MITF: variants seen among roughly 807,000 people sequenced by gnomAD.
MITF encodes microphthalmia-associated transcription factor.
A neutral mutation model predicts 60.5 loss-of-function variants in MITF; 17 were observed. That is an observed-to-expected ratio of 0.28 (90% CI 0.19 to 0.42). The LOEUF is 0.42. Among genes scored for constraint, MITF ranks in the 10% least tolerant of loss-of-function variants. The probability of loss-of-function intolerance (pLI) is 1.00; values close to 1 mark genes in which losing one functional copy is unlikely to be tolerated. For synonymous variants in MITF, 260 were observed against 248.5 expected, an observed-to-expected ratio of 1.05 and a Z score of -0.43; for missense variants, 622 against 683.5, an observed-to-expected ratio of 0.91 and a Z score of 1.00.
chr3:69,916,905 T>C (rs966341056), intron 2 of MITF, among the ~76,000 whole-genome samples: 6 of 152,230 alleles, frequency 3.9e-5, no homozygotes, highest in Non-Finnish European at 8.8e-5. Context: ...AGTTAGCCCC[T>C]TGGTAAATCT....
At chr3:69,768,926 G>A (rs1452626110) in intron 1 of MITF, among the ~76,000 whole-genome samples, 1 of 152,148 alleles carries the variant, frequency 6.6e-6, no homozygotes, top group Non-Finnish European at 1.5e-5. Flanking sequence ...GGTGGGGAGG[G>A]CATGTGTCCC....
In MITF at chr3:69,918,611, G is replaced by C. The variant is rs928278231; in HGVS notation, c.355-19211G>C. 5.7e-4 allele frequency among the ~76,000 whole-genome samples: 87 copies of C among 152,130 alleles called. 1 individual carries two copies. The highest frequency in any genetic ancestry group is 2.6e-4 in the Admixed American group (4 of 15,266). On this transcript the variant is annotated intron_variant, in intron 2 of 9. Transcript: ENST00000352241. ...CAGCACATCAGGGTTCAGATCTCTG[G>C]TTATATGAAAGCAGGCAAGTCACAT...
intron 1 of MITF, among the ~76,000 whole-genome samples, chr3:69,800,885 A>G (rs139915577): frequency 0.012 from 1,771 of 152,336 alleles, 18 homozygotes; most frequent in Non-Finnish European, 0.021. Flanking sequence ...TGACTGAACC[A>G]GAAAAAGGCA....
intron 1 of MITF, among the ~76,000 whole-genome samples, chr3:69,869,633 T>G (rs1416226441): frequency 2.0e-5 from 3 of 152,126 alleles, no homozygotes; most frequent in Non-Finnish European, 2.9e-5. Flanking sequence ...TGAAAAGCCC[T>G]TCTGATACTG....
At chr3:69,940,016 G>T (rs1031708640) in intron 4 of MITF, among the ~76,000 whole-genome samples, 38 of 152,100 alleles carry the variant, frequency 2.5e-4, no homozygotes, top group African/African-American at 8.9e-4. Flanking sequence ...ATTCAAAACT[G>T]GCCAATTATT....
intron 2 of MITF, among the ~76,000 whole-genome samples, chr3:69,928,150 G>C (rs1172127167): frequency 6.6e-6 from 1 of 152,196 alleles, no homozygotes; most frequent in African/African-American, 2.4e-5. Context: ...TTCTGTTAGA[G>C]ATAATGCTCT....
At chr3:69,789,895 T>C (rs1193370317) in intron 1 of MITF, among the ~76,000 whole-genome samples, 1 of 151,862 alleles carries the variant, frequency 6.6e-6, no homozygotes, top group Non-Finnish European at 1.5e-5. Context: ...GATCCAGTAA[T>C]CCCAGTTTTG....
At chr3:69,955,996 A>G (rs1438485112) in intron 7 of MITF, among the ~76,000 whole-genome samples, 3 of 152,196 alleles carry the variant, frequency 2.0e-5, no homozygotes, top group African/African-American at 4.8e-5. Context: ...CCTCCGCTTA[A>G]GTAAATATCT....
chr3:69,799,968 C>G (rs759609824), intron 1 of MITF, among the ~76,000 whole-genome samples: 63 of 152,200 alleles, frequency 4.1e-4, no homozygotes, highest in Non-Finnish European at 7.9e-4. Context: ...ATGTAATTCA[C>G]ATAAATGAAA....
At chr3:69,843,879 G>A (rs2063683158) in intron 1 of MITF, among the ~76,000 whole-genome samples, 1 of 152,098 alleles carries the variant, frequency 6.6e-6, no homozygotes, top group South Asian at 2.1e-4. Context: ...TTCTCCTAAT[G>A]CTTTCCCTCT....
intron 1 of MITF, among the ~76,000 whole-genome samples, chr3:69,810,888 A>G (rs1388551231): frequency 6.6e-6 from 1 of 152,242 alleles, no homozygotes; most frequent in Non-Finnish European, 1.5e-5. Context: ...TGATCAATAA[A>G]TCATAGCTCT....
At chr3:69,829,979 A>C (rs2063419323) in intron 1 of MITF, among the ~76,000 whole-genome samples, 1 of 152,140 alleles carries the variant, frequency 6.6e-6, no homozygotes, top group East Asian at 1.9e-4. Context: ...TAGGGATATC[A>C]TTAAAGAGAG....
chr3:69,932,753 C>G (rs2065751408), intron 2 of MITF, among the ~76,000 whole-genome samples: 1 of 152,146 alleles, frequency 6.6e-6, no homozygotes, highest in African/African-American at 2.4e-5. Flanking sequence ...GACACTTAAT[C>G]AGATGTGACC....
intron 1 of MITF, among the ~76,000 whole-genome samples, chr3:69,775,022 A>G (rs1457702651): frequency 2.6e-5 from 4 of 152,110 alleles, no homozygotes; most frequent in African/African-American, 9.7e-5. Flanking sequence ...TTTTCCTGCC[A>G]TTCTTCTGTT....
intron 1 of MITF, among the ~76,000 whole-genome samples, chr3:69,808,456 C>CA (rs2063046785): frequency 6.6e-6 from 1 of 151,978 alleles, no homozygotes; most frequent in Non-Finnish European, 1.5e-5. Context: ...TAGACAAATC[C>CA]AATAATCAGA....
At chr3:69,950,633 A>G in intron 6 of MITF, among the ~76,000 whole-genome samples, 1 of 149,454 alleles carries the variant, frequency 6.7e-6, no homozygotes, top group Non-Finnish European at 1.5e-5. Flanking sequence ...GTGTGTATAT[A>G]TATATATATA....
chr3:69,875,650 T>TA (rs2064336580), intron 1 of MITF, among the ~76,000 whole-genome samples: 1 of 152,230 alleles, frequency 6.6e-6, no homozygotes, highest in Non-Finnish European at 1.5e-5. Flanking sequence ...GTCCTCGTTT[T>TA]AAAAAATAAG....
intron 1 of MITF, among the ~76,000 whole-genome samples, chr3:69,852,506 A>G (rs939478610): frequency 8.5e-5 from 13 of 152,338 alleles, no homozygotes; most frequent in South Asian, 2.1e-4. Context: ...GCAGTAGTTC[A>G]TTCTCATAGG....
At chr3:69,874,822 C>T (rs1331451324) in intron 1 of MITF, among the ~76,000 whole-genome samples, 1 of 152,144 alleles carries the variant, frequency 6.6e-6, no homozygotes, top group Non-Finnish European at 1.5e-5. Context: ...AATGGAATTT[C>T]TGATATTGTT....
Sources: allele counts gnomAD v4.1 joint callset (sites outside exome capture counted in the v4.1 genomes callset), GRCh38; gene constraint gnomAD v4.1.1; transcripts MANE v1.5; gene names NCBI Gene and HGNC (gene_info 2026-07-23, HGNC 2026-07-21).